TBX5: variants seen among roughly 807,000 people sequenced by gnomAD.
TBX5 encodes T-box transcription factor 5, also known as T-box transcription factor TBX5.
A neutral mutation model predicts 51.1 loss-of-function variants in TBX5; 8 were observed. The observed-to-expected ratio is 0.16, with a 90% CI of 0.09 to 0.28. The LOEUF is 0.28. TBX5 is among the 10% of genes least tolerant of loss of function. The pLI is 1.00. For synonymous variants in TBX5, 302 were observed against 266.4 expected (o/e 1.13, Z -1.30); for missense variants, 589 against 671.7 (o/e 0.88, Z 1.36).
At chr12:114,366,451 G>A in intron 7 of TBX5, 60 bp from the exon 8 acceptor site, 1 of 1,535,248 alleles carries the variant, frequency 6.5e-7, no homozygotes, top group African/African-American at 1.4e-5. Context: ...TTTCCTGAGT[G>A]GCTGAACCAG....
At chr12:114,376,494 G>T (rs1202630911) in intron 7 of TBX5, among the ~76,000 whole-genome samples, 1 of 152,066 alleles carries the variant, frequency 6.6e-6, no homozygotes, top group East Asian at 1.9e-4. Context: ...CTGGGGAGAA[G>T]GGCAATGGGG....
intron 5 of TBX5, among the ~76,000 whole-genome samples, chr12:114,396,149 G>C (rs1367591697): frequency 6.6e-6 from 1 of 152,024 alleles, no homozygotes; most frequent in African/African-American, 2.4e-5. Flanking sequence ...GCGAGCCGCG[G>C]CCGGGGGCGG....
At position 114,355,726 on chromosome 12, in the gene TBX5, A is replaced by T; in HGVS notation, c.1363T>A (p.Phe455Ile). 6.2e-7 allele frequency: 1 copy of T among 1,614,148 alleles called. No individual in the cohort carries two copies. Among genetic ancestry groups the T allele is most frequent in the Non-Finnish European group, 8.5e-7 (1 of 1,180,012 alleles). Reference protein sequence around the residue: ...HGSPQLGEGMFQHQTSVAHQP... With the variant: ...HGSPQLGEGMIQHQTSVAHQP... ...TGGGCCACGGAGGTCTGGTGCTGGA[A>T]CATTCCCTCTCCCAGCTGTGGGGAG... The change falls in exon 9 of 9, where the codon TTC becomes ATC. Residue 455 changes from phenylalanine to isoleucine, a missense_variant. Physicochemically the swap from Phe to Ile is conservative, Grantham distance 21. Around this residue, in one of 7 missense-constraint regions of TBX5, gnomAD observed 348 missense variants for 360.4 expected, o/e 0.97. Transcript: ENST00000405440.
Position 114,405,909 on chromosome 12 carries a change from C to G in TBX5, c.-320G>C. ...AACACAAAATAGCCTCCAAGAGCACCGGCAACCATATAATCTCAGTGCCCC... is the reference window on the plus strand; with the variant it reads ...AACACAAAATAGCCTCCAAGAGCACGGGCAACCATATAATCTCAGTGCCCC... On this transcript the variant is annotated 5_prime_UTR_variant, in exon 1 of 9. Transcript: ENST00000405440. 1.0e-6 allele frequency: 1 copy of G among 985,574 alleles called. No homozygotes were observed. Among genetic ancestry groups the G allele is most frequent in the African/African-American group, 1.7e-5 (1 of 57,362 alleles). The allele number at this position is 985,574 out of a possible 1,614,324, so 61.1% of individuals were successfully genotyped here.
intron 6 of TBX5, 95 bp downstream of exon 6, chr12:114,394,646 T>G: frequency 1.3e-6 from 2 of 1,570,896 alleles, no homozygotes; most frequent in Non-Finnish European, 1.7e-6. Context: ...CTGCTGCCAT[T>G]CAGAGGAGCA....
intron 7 of TBX5, among the ~76,000 whole-genome samples, chr12:114,385,084 C>A (rs536216573): frequency 7.1e-6 from 1 of 139,950 alleles, no homozygotes; most frequent in East Asian, 2.2e-4. Context: ...ACTTCTCTTT[C>A]ATTTACCAAG....
chr12:114,387,130 AC>A (rs1870862995), intron 6 of TBX5, among the ~76,000 whole-genome samples: 1 of 152,006 alleles, frequency 6.6e-6, no homozygotes, highest in African/African-American at 2.4e-5. Context: ...AAACAAAAAA[AC>A]AAACAAACAA....
intron 7 of TBX5, among the ~76,000 whole-genome samples, chr12:114,377,322 T>C (rs1870247865): frequency 6.6e-6 from 1 of 152,112 alleles, no homozygotes; most frequent in Non-Finnish European, 1.5e-5. Flanking sequence ...AAGGAAGTAA[T>C]AGAAGAGGGA....
intron 7 of TBX5, among the ~76,000 whole-genome samples, chr12:114,377,251 A>G (rs1197227517): frequency 6.6e-6 from 1 of 152,234 alleles, no homozygotes; most frequent in African/African-American, 2.4e-5. Context: ...AAGAGTGCTA[A>G]GCCTTCAGTT....
intron 2 of TBX5, 125 bp downstream of exon 2, chr12:114,403,627 C>T (rs1433614925): frequency 7.2e-7 from 1 of 1,390,880 alleles, no homozygotes; most frequent in Non-Finnish European, 9.7e-7. Flanking sequence ...TGATTATAGT[C>T]GTTGGGTTCG....
At chr12:114,372,591 C>T (rs10774755) in intron 7 of TBX5, among the ~76,000 whole-genome samples, 17,313 of 151,846 alleles carry the variant, frequency 0.11, 1,292 homozygotes, top group East Asian at 0.35. Flanking sequence ...TAGACATGAG[C>T]CACCTTATAA....
Position 114,401,915 on chromosome 12 carries a change from C to T in TBX5, c.153G>A (p.Met51Ile), listed in dbSNP as rs746504712. 1 of 1,614,178 alleles carries T rather than the reference C, an allele frequency of 6.2e-7. No individual in the cohort carries two copies. The highest frequency in any genetic ancestry group is 1.1e-5 in the South Asian group (1 of 91,076). ...SPQAAFTQQG[M>I]EGIKVFLHER... ...CATGGAGAAACACTTTGATTCCCTC[C>T]ATGCCCTGCAAGAAGGAGAAAAAAG... Residue 51 changes from methionine to isoleucine, a missense_variant, in exon 3 of 9, where the codon ATG (methionine) becomes ATA (isoleucine). Physicochemically the swap from Met to Ile is conservative, Grantham distance 10. This residue lies in a region of TBX5 where 101 missense variants were observed against 83.3 expected (regional missense o/e 1.21). Transcript: ENST00000405440.
chr12:114,397,775 T>C (rs749755387), intron 5 of TBX5, among the ~76,000 whole-genome samples: 8 of 151,594 alleles, frequency 5.3e-5, no homozygotes, highest in Non-Finnish European at 1.2e-4. Context: ...AAGCTGGTTG[T>C]TGGAAAAAAA....
At chr12:114,396,870 T>A (rs1871462940) in intron 5 of TBX5, among the ~76,000 whole-genome samples, 1 of 152,172 alleles carries the variant, frequency 6.6e-6, no homozygotes, top group African/African-American at 2.4e-5. Flanking sequence ...GAGCACCTCC[T>A]GGGAAGCCCA....
In TBX5 at chr12:114,403,866, C is replaced by A; in HGVS notation, c.33G>T (p.Ala11=). Residue 11 remains alanine (A), a synonymous_variant, in exon 2 of 9, where the codon GCG becomes GCT. Coordinates refer to ENST00000405440, the MANE Select transcript of TBX5 (RefSeq NM_181486.4). ...TTGCGTCAGGCTCCAGAGGCGTGTG[C>A]GCCAGGCCAAAGCCCTCGTCTGCGT... The part of the protein sequence containing the change: MADADEGFGL[A]HTPLEPDAKD... 1 of 1,613,564 alleles carries A rather than the reference C, an allele frequency of 6.2e-7. No individual in the cohort carries two copies. Among genetic ancestry groups the A allele is most frequent in the Non-Finnish European group, 8.5e-7 (1 of 1,179,944 alleles).
intron 3 of TBX5, 32 bp from the exon 4 acceptor site, chr12:114,399,664 G>A (rs367579977): frequency 5.0e-6 from 8 of 1,613,938 alleles, no homozygotes; most frequent in Non-Finnish European, 6.8e-6. Context: ...AGAGAGGGGG[G>A]CGGGAATTAA....
At chr12:114,370,248 G>T (rs4767238) in intron 7 of TBX5, among the ~76,000 whole-genome samples, 40,518 of 109,826 alleles carry the variant, frequency 0.37, 6,600 homozygotes, top group East Asian at 0.55. Flanking sequence ...GAAAAGAAAA[G>T]AAAAGAAAAG....
intron 6 of TBX5, among the ~76,000 whole-genome samples, chr12:114,390,828 C>A (rs1019656233): frequency 3.0e-4 from 46 of 152,340 alleles, no homozygotes; most frequent in African/African-American, 1.1e-3. Context: ...CTGGGAGCTG[C>A]TGACAACTGC....
intron 6 of TBX5, among the ~76,000 whole-genome samples, chr12:114,393,412 G>C (rs187827681): frequency 1.3e-5 from 2 of 152,096 alleles, no homozygotes; most frequent in Non-Finnish European, 2.9e-5. Context: ...ACAACCGCAC[G>C]AGGGCAGGGG....
Sources: allele counts gnomAD v4.1 joint callset (sites outside exome capture counted in the v4.1 genomes callset), GRCh38; gene constraint gnomAD v4.1.1; regional missense constraint gnomAD v4.1.1; transcripts MANE v1.5; gene names NCBI Gene and HGNC (gene_info 2026-07-23, HGNC 2026-07-21).